The following MARCHF1 variants were observed in gnomAD, a reference collection of about 807,000 sequenced individuals.
MARCHF1 encodes the protein membrane associated ring-CH-type finger 1, also known as E3 ubiquitin-protein ligase MARCHF1.
A neutral mutation model predicts 54.2 loss-of-function variants in MARCHF1; 40 were observed. The observed-to-expected ratio is 0.74, with a 90% CI of 0.57 to 0.96. MARCHF1 has a LOEUF of 0.96. Ranked by LOEUF, MARCHF1 falls within the 40% of genes least tolerant of loss-of-function variation. The pLI, the probability that MARCHF1 is intolerant of heterozygous loss-of-function variation, is 0.00. For synonymous variants in MARCHF1, 236 were observed against 236.3 expected, an observed-to-expected ratio of 1.00 and a Z score of 0.01; for missense variants, 586 against 656.5, an observed-to-expected ratio of 0.89 and a Z score of 1.17.
intron 3 of MARCHF1, among the ~76,000 whole-genome samples, chr4:163,890,430 T>G (rs1750636389): frequency 6.6e-6 from 1 of 152,020 alleles, no homozygotes; most frequent in East Asian, 1.9e-4. Flanking sequence ...TGCCAGAAAA[T>G]AAGAGTGTGG....
At chr4:163,841,112 G>A (rs1361228197) in intron 4 of MARCHF1, among the ~76,000 whole-genome samples, 4 of 152,066 alleles carry the variant, frequency 2.6e-5, no homozygotes, top group Non-Finnish European at 4.4e-5. Flanking sequence ...AATACATGGG[G>A]ACCAGGGAGG....
chr4:163,837,159 G>A (rs968033674), intron 4 of MARCHF1, among the ~76,000 whole-genome samples: 6 of 152,106 alleles, frequency 3.9e-5, no homozygotes, highest in Non-Finnish European at 8.8e-5. Flanking sequence ...ATTAAGGGAA[G>A]CAATATGTGT....
At chr4:164,025,232 A>G (rs1267932499) in intron 2 of MARCHF1, among the ~76,000 whole-genome samples, 2 of 152,166 alleles carry the variant, frequency 1.3e-5, no homozygotes, top group African/African-American at 4.8e-5. Context: ...GTGACAATCA[A>G]TTGAAACTAA....
At chr4:163,545,987 T>A (rs1020687187) in intron 8 of MARCHF1, among the ~76,000 whole-genome samples, 49 of 148,300 alleles carry the variant, frequency 3.3e-4, no homozygotes, top group Admixed American at 5.3e-4. Context: ...GTGTGTGTAT[T>A]TTTTTGAGAC....
At chr4:163,882,393 T>C (rs1370039085) in intron 3 of MARCHF1, among the ~76,000 whole-genome samples, 1 of 152,216 alleles carries the variant, frequency 6.6e-6, no homozygotes, top group Non-Finnish European at 1.5e-5. Context: ...TAGAACCTTC[T>C]AAGCTATTGA....
intron 4 of MARCHF1, among the ~76,000 whole-genome samples, chr4:163,748,541 G>T (rs1480890084): frequency 2.6e-5 from 4 of 152,174 alleles, no homozygotes; most frequent in African/African-American, 9.7e-5. Context: ...CAACAGGGAA[G>T]AGCTTACTGC....
chr4:163,921,940 T>C (rs995401422), intron 3 of MARCHF1, among the ~76,000 whole-genome samples: 27 of 152,244 alleles, frequency 1.8e-4, no homozygotes, highest in African/African-American at 6.3e-4. Flanking sequence ...TGCGGCACTA[T>C]TCACAATAGC....
intron 1 of MARCHF1, among the ~76,000 whole-genome samples, chr4:164,220,708 T>C (rs1439759639): frequency 6.8e-6 from 1 of 146,976 alleles, no homozygotes; most frequent in Non-Finnish European, 1.5e-5. Context: ...TATGTATATA[T>C]GTAATATATA....
chr4:164,234,432 A>C (rs1732492891), intron 1 of MARCHF1, among the ~76,000 whole-genome samples: 1 of 152,156 alleles, frequency 6.6e-6, no homozygotes, highest in African/African-American at 2.4e-5. Context: ...AAAAACAACC[A>C]TAAAACCTTT....
In MARCHF1 at chr4:163,626,566, C is replaced by A. The variant is rs570240611; in HGVS notation, c.163-13173G>T. On this transcript the variant is annotated intron_variant, in intron 5 of 9. Coordinates refer to ENST00000514618, the MANE Select transcript of MARCHF1 (RefSeq NM_001394959.1). The stretch of plus-strand genomic sequence containing the variant: ...GCTGCAGAAGATTCTTTTTTTAAAG[C>A]CCCATTAATATCTGTGATAGTTCAT... Among the ~76,000 whole-genome samples, 44 of 152,064 alleles carry A rather than the reference C, an allele frequency of 2.9e-4. 1 individual carries two copies. The highest frequency in any genetic ancestry group is 2.6e-3 in the Admixed American group (39 of 15,266).
chr4:164,188,935 T>C (rs2111041626), intron 1 of MARCHF1: 1 of 757,034 alleles, frequency 1.3e-6, no homozygotes, highest in East Asian at 2.4e-5. Flanking sequence ...CAACCAAAGA[T>C]ATTGGAACTA....
intron 2 of MARCHF1, among the ~76,000 whole-genome samples, chr4:164,064,985 T>C (rs2111076723): frequency 6.6e-6 from 1 of 152,310 alleles, no homozygotes. Context: ...CAACCTTGCA[T>C]CCCAGGGATA....
At chr4:164,194,572 C>T (rs1480242724) in intron 1 of MARCHF1, among the ~76,000 whole-genome samples, 1 of 152,114 alleles carries the variant, frequency 6.6e-6, no homozygotes, top group Non-Finnish European at 1.5e-5. Flanking sequence ...CACTCACAGC[C>T]TGCATCTCTT....
intron 4 of MARCHF1, among the ~76,000 whole-genome samples, chr4:163,763,102 A>C (rs1041606446): frequency 2.0e-5 from 3 of 152,088 alleles, no homozygotes; most frequent in Non-Finnish European, 4.4e-5. Context: ...TTCCTATTTC[A>C]CTATAAATCA....
At chr4:164,298,264 TTAAAA>T (rs1405350698) in intron 1 of MARCHF1, among the ~76,000 whole-genome samples, 1 of 152,060 alleles carries the variant, frequency 6.6e-6, no homozygotes, top group East Asian at 1.9e-4. Context: ...CTAAAATAGA[TTAAAA>T]TAAAGCCTCC....
In MARCHF1 at chr4:163,587,416, G is replaced by A. The variant is rs189929918; in HGVS notation, c.1011-1487C>T. Among the ~76,000 whole-genome samples, 897 of 152,256 alleles carry A rather than the reference G, an allele frequency of 5.9e-3. 4 individuals are homozygous for A. Among genetic ancestry groups the A allele is most frequent in the Non-Finnish European group, 9.6e-3 (651 of 68,026 alleles). On this transcript the variant is annotated intron_variant, in intron 7 of 9. Transcript: ENST00000514618. ...CATAAAGAAAATGTGGCACATTTAC[G>A]CCATGGAATACTATGCAGCCATAAA...
chr4:163,568,144 G>C (rs1312593669), intron 8 of MARCHF1, among the ~76,000 whole-genome samples: 1 of 151,910 alleles, frequency 6.6e-6, no homozygotes, highest in Non-Finnish European at 1.5e-5. Flanking sequence ...CCCAATATAA[G>C]TGTATGGCTA....
chr4:163,944,077 C>T (rs1304164857), intron 3 of MARCHF1, among the ~76,000 whole-genome samples: 3 of 151,792 alleles, frequency 2.0e-5, no homozygotes, highest in African/African-American at 4.8e-5. Flanking sequence ...CTCCATTCTC[C>T]TGCCTCAGCC....
At position 164,101,169 on chromosome 4, in the gene MARCHF1, A is replaced by G. The variant is rs62350001; in HGVS notation, c.-248+10419T>C. 1.3e-3 allele frequency among the ~76,000 whole-genome samples: 205 copies of G among 152,146 alleles called. 1 individual carries two copies. The highest frequency in any genetic ancestry group is 0.01 in the Middle Eastern group (3 of 294). On this transcript the variant is annotated intron_variant, in intron 2 of 9. Coordinates refer to ENST00000514618, the MANE Select transcript of MARCHF1 (RefSeq NM_001394959.1). ...GCAGTCTGAGATCAAACTGCAAGGC[A>G]GCAGCGAGGCCGGGGGAGGGGCACC...
Sources: allele counts gnomAD v4.1 joint callset (sites outside exome capture counted in the v4.1 genomes callset), GRCh38; gene constraint gnomAD v4.1.1; transcripts MANE v1.5; gene names NCBI Gene and HGNC (gene_info 2026-07-23, HGNC 2026-07-21).